The following XYLT1 variants were observed in gnomAD, a reference collection of about 807,000 sequenced individuals.
XYLT1 encodes the protein beta-D-xylosyltransferase 1.
A neutral mutation model predicts 91.3 loss-of-function variants in XYLT1; 36 were observed. That is an observed-to-expected ratio of 0.39 (90% CI 0.30 to 0.52). The LOEUF is 0.52. Among genes scored for constraint, XYLT1 ranks in the 20% least tolerant of loss-of-function variants. XYLT1 has a pLI of 0.68. For synonymous variants in XYLT1, 588 were observed against 532.0 expected, an observed-to-expected ratio of 1.11 and a Z score of -1.45; for missense variants, 1,242 against 1,284.5, an observed-to-expected ratio of 0.97 and a Z score of 0.51.
chr16:17,198,140 G>A (rs1006178872), intron 5 of XYLT1, 72 bp downstream of exon 5: 68 of 1,532,554 alleles, frequency 4.4e-5, no homozygotes, highest in Middle Eastern at 4.1e-4. Context: ...CTTCTGCCTC[G>A]TGAGTTCCCA....
At chr16:17,281,206 G>A (rs995683422) in intron 2 of XYLT1, among the ~76,000 whole-genome samples, 2 of 152,170 alleles carry the variant, frequency 1.3e-5, no homozygotes, top group African/African-American at 4.8e-5. Flanking sequence ...TACTAGAGCT[G>A]GAGGCAGGCA....
chr16:17,350,375 C>G (rs1488070298), intron 2 of XYLT1, among the ~76,000 whole-genome samples: 2 of 152,214 alleles, frequency 1.3e-5, no homozygotes, highest in Non-Finnish European at 2.9e-5. Flanking sequence ...CTGAGTCATA[C>G]AGACTAGAGA....
intron 2 of XYLT1, among the ~76,000 whole-genome samples, chr16:17,316,375 G>T (rs2034632559): frequency 6.6e-6 from 1 of 152,070 alleles, no homozygotes; most frequent in African/African-American, 2.4e-5. Flanking sequence ...TGAAACAAGA[G>T]TTAGGACCCC....
chr16:17,404,541 C>T (rs2036006643), intron 1 of XYLT1, among the ~76,000 whole-genome samples: 1 of 152,194 alleles, frequency 6.6e-6, no homozygotes, highest in African/African-American at 2.4e-5. Flanking sequence ...GAATTCATCA[C>T]ATGGTGCATA....
At chr16:17,298,725 C>G (rs2034351832) in intron 2 of XYLT1, among the ~76,000 whole-genome samples, 2 of 152,188 alleles carry the variant, frequency 1.3e-5, no homozygotes, top group Admixed American at 1.3e-4. Context: ...AGACCGTCAG[C>G]TGCTGCTTCC....
intron 1 of XYLT1, among the ~76,000 whole-genome samples, chr16:17,375,422 G>T (rs2035585808): frequency 7.1e-6 from 1 of 140,796 alleles, no homozygotes; most frequent in Non-Finnish European, 1.6e-5. Flanking sequence ...CAAAAACCCT[G>T]TCGCAATGCA....
chr16:17,364,310 T>C (rs1003739947), intron 1 of XYLT1, among the ~76,000 whole-genome samples: 1 of 152,218 alleles, frequency 6.6e-6, no homozygotes, highest in Admixed American at 6.5e-5. Flanking sequence ...TAAGGGACAC[T>C]ATTAATAATT....
chr16:17,168,487 A>G (rs1025624473), intron 5 of XYLT1, among the ~76,000 whole-genome samples: 13 of 152,190 alleles, frequency 8.5e-5, no homozygotes, highest in African/African-American at 2.9e-4. Context: ...AGTGGGTACA[A>G]TGCTCACTTA....
chr16:17,276,730 G>A (rs536737221), intron 2 of XYLT1, among the ~76,000 whole-genome samples: 8 of 152,232 alleles, frequency 5.3e-5, no homozygotes, highest in South Asian at 4.1e-4. Context: ...GGCACCGTCC[G>A]ATGAAGTTGT....
intron 3 of XYLT1, among the ~76,000 whole-genome samples, chr16:17,204,966 CAAAAAAAAAAAA>C (rs530525798): frequency 0.029 from 2,348 of 81,462 alleles, 106 homozygotes; most frequent in African/African-American, 0.1. Flanking sequence ...TGCCCAGCTC[CAAAAAAAAAAAA>C]AAAAAAAAAA....
chr16:17,221,691 A>T (rs1216166822), intron 3 of XYLT1, among the ~76,000 whole-genome samples: 4 of 152,294 alleles, frequency 2.6e-5, no homozygotes, highest in African/African-American at 9.6e-5. Flanking sequence ...GTGAGCTATG[A>T]TCACGCCACT....
intron 1 of XYLT1, among the ~76,000 whole-genome samples, chr16:17,372,213 G>A (rs114175011): frequency 9.0e-4 from 137 of 152,274 alleles, no homozygotes; most frequent in African/African-American, 3.1e-3. Context: ...AACACCAAAC[G>A]AGGGAAATAT....
chr16:17,444,992 T>C (rs1324114329), intron 1 of XYLT1, among the ~76,000 whole-genome samples: 1 of 152,158 alleles, frequency 6.6e-6, no homozygotes, highest in Non-Finnish European at 1.5e-5. Flanking sequence ...AGTGAATGGA[T>C]GAAGGGAGGA....
intron 3 of XYLT1, among the ~76,000 whole-genome samples, chr16:17,232,150 T>C (rs2033166864): frequency 6.9e-6 from 1 of 144,348 alleles, no homozygotes; most frequent in South Asian, 2.1e-4. Context: ...TAATAGATTA[T>C]AATCGATTAT....
chr16:17,413,563 G>C (rs2141913976), intron 1 of XYLT1, among the ~76,000 whole-genome samples: 1 of 151,862 alleles, frequency 6.6e-6, no homozygotes, highest in Middle Eastern at 3.4e-3. Context: ...TCAGTGTTCG[G>C]AGTACCTGGG....
At chr16:17,221,527 C>G (rs1007723616) in intron 3 of XYLT1, among the ~76,000 whole-genome samples, 4 of 152,062 alleles carry the variant, frequency 2.6e-5, no homozygotes, top group Non-Finnish European at 5.9e-5. Flanking sequence ...GGATCTGAAC[C>G]CAGACTAACC....
intron 5 of XYLT1, among the ~76,000 whole-genome samples, chr16:17,183,006 A>G (rs753387999): frequency 1.8e-4 from 28 of 152,328 alleles, no homozygotes; most frequent in Admixed American, 3.9e-4. Context: ...TGGCAGCCAC[A>G]TCGTAGTGTT....
intron 1 of XYLT1, among the ~76,000 whole-genome samples, chr16:17,466,750 TTTTA>T (rs1313186651): frequency 6.6e-6 from 1 of 152,256 alleles, no homozygotes; most frequent in Admixed American, 6.5e-5. Flanking sequence ...TTATTTCTAC[TTTTA>T]TTTATCTATT....
chr16:17,431,110 C>CAGCT, intron 1 of XYLT1, among the ~76,000 whole-genome samples: 1 of 152,288 alleles, frequency 6.6e-6, no homozygotes, highest in East Asian at 1.9e-4. Flanking sequence ...GTCTCTGTGG[C>CAGCT]AGCTACTCAG....
Sources: gnomAD v4.1 joint callset for allele counts (sites outside exome capture counted in the v4.1 genomes callset) on GRCh38, gnomAD v4.1.1 for gene constraint, MANE v1.5 for transcripts, NCBI Gene and HGNC (gene_info 2026-07-23, HGNC 2026-07-21) for gene names.